Variants in PCSK6 observed in about 807,000 individuals in gnomAD.
The protein encoded by PCSK6 is proprotein convertase subtilisin/kexin type 6, also known as paired basic amino acid cleaving enzyme 4.
PCSK6 carries 85 observed loss-of-function variants against 123.3 expected under a neutral mutation model. The ratio of observed to expected loss-of-function variants is 0.69; its 90% confidence interval spans 0.58 to 0.83. PCSK6 has a LOEUF of 0.83. PCSK6 is among the 40% of genes least tolerant of loss of function. The pLI is 0.00. For synonymous variants in PCSK6, 508 were observed against 516.0 expected, an observed-to-expected ratio of 0.98 and a Z score of 0.21; for missense variants, 1,191 against 1,282.3, an observed-to-expected ratio of 0.93 and a Z score of 1.09.
chr15:101,379,292 G>A (rs1407266709), intron 11 of PCSK6, among the ~76,000 whole-genome samples: 1 of 152,170 alleles, frequency 6.6e-6, no homozygotes, highest in Non-Finnish European at 1.5e-5. Flanking sequence ...CCAGAGGGGT[G>A]GACGTATGAA....
intron 1 of PCSK6, among the ~76,000 whole-genome samples, chr15:101,459,440 T>C (rs2057278121): frequency 6.8e-6 from 1 of 147,420 alleles, no homozygotes; most frequent in Non-Finnish European, 1.5e-5. Context: ...TCTCCCTAAG[T>C]CCACATCACC....
intron 6 of PCSK6, among the ~76,000 whole-genome samples, chr15:101,400,205 G>C (rs2042546925): frequency 6.6e-6 from 1 of 152,024 alleles, no homozygotes; most frequent in South Asian, 2.1e-4. Context: ...TTTTCTTCTA[G>C]TCTTTTTCTT....
chr15:101,400,579 G>A (rs2042558772), intron 6 of PCSK6, among the ~76,000 whole-genome samples: 1 of 152,248 alleles, frequency 6.6e-6, no homozygotes, highest in South Asian at 2.1e-4. Flanking sequence ...ACAGGAAGGA[G>A]ACCCTGGAGG....
At chr15:101,307,140 T>C (rs1330968829) in intron 21 of PCSK6, 73 bp downstream of exon 21, 1 of 1,144,910 alleles carries the variant, frequency 8.7e-7, no homozygotes, top group South Asian at 1.3e-5. Context: ...GGCTTTGCTT[T>C]TCTCTTTGGA....
At chr15:101,354,056 G>A (rs1014117027) in intron 13 of PCSK6, among the ~76,000 whole-genome samples, 1 of 152,216 alleles carries the variant, frequency 6.6e-6, no homozygotes. Context: ...GCCTGCCGAG[G>A]TCCGCAATGA....
At chr15:101,462,189 T>C (rs996628398) in intron 1 of PCSK6, among the ~76,000 whole-genome samples, 1 of 152,214 alleles carries the variant, frequency 6.6e-6, no homozygotes, top group Non-Finnish European at 1.5e-5. Context: ...TGCACGTCTA[T>C]ATACTAGCAA....
intron 1 of PCSK6, among the ~76,000 whole-genome samples, chr15:101,467,428 C>A (rs1219843902): frequency 6.6e-6 from 1 of 150,758 alleles, no homozygotes; most frequent in Non-Finnish European, 1.5e-5. Flanking sequence ...CCCACCACCA[C>A]ACCCAGCTAA....
chr15:101,459,977 G>A (rs1048896740), intron 1 of PCSK6, among the ~76,000 whole-genome samples: 9 of 152,114 alleles, frequency 5.9e-5, no homozygotes, highest in African/African-American at 9.7e-5. Context: ...AATTCACCTC[G>A]AGGGAGAGAG....
intron 20 of PCSK6, among the ~76,000 whole-genome samples, chr15:101,312,756 T>C (rs1596167785): frequency 6.6e-6 from 1 of 151,864 alleles, no homozygotes; most frequent in East Asian, 1.9e-4. Flanking sequence ...GGTGTGAATC[T>C]GGGAGGCGGA....
At chr15:101,361,844 C>T (rs1342947675) in intron 13 of PCSK6, among the ~76,000 whole-genome samples, 1 of 151,704 alleles carries the variant, frequency 6.6e-6, no homozygotes, top group Non-Finnish European at 1.5e-5. Flanking sequence ...GGGGACTGAA[C>T]TGAGGCAGTG....
chr15:101,324,967 C>T lies in PCSK6; in HGVS notation c.2260G>A (p.Glu754Lys). Reference sequence around the variant, plus strand: ...GTCGCAGCTCTGCTGGAGCAGGTCTCACACCCCTTGTGGCACCGGCGACAG... The same window carrying T: ...GTCGCAGCTCTGCTGGAGCAGGTCTTACACCCCTTGTGGCACCGGCGACAG... ...RRCRRCHKGC[E>K]TCSSRAATQC... The change falls in exon 17 of 22, where the codon GAG (glutamate) becomes AAG (lysine). Residue 754 changes from glutamate to lysine, a missense_variant. Around this residue, in one of 3 missense-constraint regions of PCSK6, gnomAD observed 630 missense variants for 631.4 expected, o/e 1.00. Coordinates refer to ENST00000611716, the MANE Select transcript of PCSK6 (RefSeq NM_002570.5). 1 of 1,613,312 alleles carries T rather than the reference C, an allele frequency of 6.2e-7. No individual in the cohort carries two copies. The highest frequency in any genetic ancestry group is 8.5e-7 in the Non-Finnish European group (1 of 1,179,900).
intron 13 of PCSK6, chr15:101,337,323 C>T (rs948824875): frequency 1.3e-5 from 2 of 152,222 alleles, no homozygotes; most frequent in Middle Eastern, 3.4e-3. Context: ...TACTTAAATG[C>T]TTTTTTCACT....
At chr15:101,426,944 A>G (rs116814271) in intron 6 of PCSK6, among the ~76,000 whole-genome samples, 2,478 of 152,298 alleles carry the variant, frequency 0.016, 66 homozygotes, top group African/African-American at 0.056. Flanking sequence ...CGGACTGAGA[A>G]GCAGACAGGC....
chr15:101,442,407 A>G (rs1228526841), intron 2 of PCSK6, among the ~76,000 whole-genome samples: 7 of 152,214 alleles, frequency 4.6e-5, no homozygotes, highest in Middle Eastern at 3.2e-3. Flanking sequence ...GCCCAGGTCC[A>G]TGGGTGAGCT....
At chr15:101,432,334 T>A (rs897140299) in intron 2 of PCSK6, among the ~76,000 whole-genome samples, 1 of 151,792 alleles carries the variant, frequency 6.6e-6, no homozygotes, top group African/African-American at 2.4e-5. Context: ...TTTGAAGTCG[T>A]TGTACTAAAA....
chr15:101,399,303 A>G (rs774765455), intron 6 of PCSK6, among the ~76,000 whole-genome samples: 1 of 152,194 alleles, frequency 6.6e-6, no homozygotes, highest in Non-Finnish European at 1.5e-5. Context: ...ACTCCGACGT[A>G]TAACTTATGA....
intron 7 of PCSK6, among the ~76,000 whole-genome samples, chr15:101,395,144 C>T (rs2042368163): frequency 6.6e-6 from 1 of 152,336 alleles, no homozygotes; most frequent in South Asian, 2.1e-4. Context: ...TCCTAACTCC[C>T]CACCCCACTT....
intron 6 of PCSK6, among the ~76,000 whole-genome samples, chr15:101,417,846 T>A (rs2141078262): frequency 6.6e-6 from 1 of 151,624 alleles, no homozygotes; most frequent in African/African-American, 2.4e-5. Context: ...AGCCTGTTTT[T>A]TTTTATTTTT....
chr15:101,359,898 C>T (rs1233841604), intron 13 of PCSK6, among the ~76,000 whole-genome samples: 2 of 152,238 alleles, frequency 1.3e-5, no homozygotes, highest in African/African-American at 4.8e-5. Flanking sequence ...AGTCTTCCCT[C>T]TCACCTCCAG....
Sources: gnomAD v4.1 joint callset for allele counts (sites outside exome capture counted in the v4.1 genomes callset) on GRCh38, gnomAD v4.1.1 for gene constraint, gnomAD v4.1.1 regional missense constraint, MANE v1.5 for transcripts, NCBI Gene and HGNC (gene_info 2026-07-23, HGNC 2026-07-21) for gene names.